The following EPM2A variants were observed in gnomAD, a reference collection of about 807,000 sequenced individuals.
The protein encoded by EPM2A is laforin.
EPM2A carries 21 observed loss-of-function variants against 26.5 expected under a neutral mutation model. The observed-to-expected ratio is 0.79, with a 90% CI of 0.56 to 1.14. EPM2A has a LOEUF of 1.14. Among genes scored for constraint, EPM2A ranks in the 50% most tolerant of loss-of-function variants. The probability of loss-of-function intolerance (pLI) is 0.00; values close to 1 mark genes in which losing one functional copy is unlikely to be tolerated. For missense variants in EPM2A, 458 were observed against 440.8 expected (o/e 1.04, Z -0.35); for synonymous variants, 217 against 177.6 (o/e 1.22, Z -1.76).
At chr6:145,559,541 C>T (rs1384181388) in intron 2 of EPM2A, among the ~76,000 whole-genome samples, 2 of 151,910 alleles carry the variant, frequency 1.3e-5, no homozygotes, top group East Asian at 3.9e-4. Flanking sequence ...TCTTTAATAT[C>T]ATTAATGTCA....
At position 145,627,321 on chromosome 6, in the gene EPM2A, T is replaced by C; in HGVS notation, c.*95A>G. 5 of 1,600,870 alleles carry C rather than the reference T, an allele frequency of 3.1e-6. No individual in the cohort carries two copies. Among genetic ancestry groups the C allele is most frequent in the Non-Finnish European group, 4.2e-6 (5 of 1,178,886 alleles). ...GCTTGGGGGAGGTCACACAGTCCTT[T>C]CAGTTCAGGTAGAATCCTTGTTTCT... On this transcript the variant is annotated 3_prime_UTR_variant, in exon 4 of 4. Transcript: ENST00000367519.
At chr6:145,724,717 G>A (rs940174651) in intron 1 of EPM2A, among the ~76,000 whole-genome samples, 2 of 151,876 alleles carry the variant, frequency 1.3e-5, no homozygotes, top group African/African-American at 4.8e-5. Context: ...AAAGTCAGGT[G>A]GTTTCTAATA....
At chr6:145,608,671 G>A (rs747288053) in intron 2 of EPM2A, among the ~76,000 whole-genome samples, 4 of 152,138 alleles carry the variant, frequency 2.6e-5, no homozygotes, top group Non-Finnish European at 5.9e-5. Flanking sequence ...CTGTTTGGGG[G>A]TCCTGGATTA....
chr6:145,677,775 A>G (rs1780175633), intron 2 of EPM2A, among the ~76,000 whole-genome samples: 1 of 152,182 alleles, frequency 6.6e-6, no homozygotes, highest in Admixed American at 6.5e-5. Context: ...AACAAAATAA[A>G]AGGGGACACA....
At chr6:145,562,094 CA>C (rs11402553) in intron 2 of EPM2A, among the ~76,000 whole-genome samples, 8 of 124,062 alleles carry the variant, frequency 6.4e-5, no homozygotes, top group African/African-American at 1.5e-4. Context: ...GAAAAAAATG[CA>C]AAAAAAACTA....
rs77546689 is a variant in EPM2A at position 145,548,860 on chromosome 6, A to C, written c.341-46285T>G. 1.2e-3 allele frequency among the ~76,000 whole-genome samples: 185 copies of C among 152,204 alleles called. 1 individual carries two copies. The highest frequency in any genetic ancestry group is 4.3e-3 in the African/African-American group (178 of 41,552). ...CTTTGGTGGTCTCAGTTCCCACTCC[A>C]AAGAGAATTATCAGAGTATACATCA... On this transcript the variant is annotated intron_variant, in intron 2 of 3. Coordinates refer to the EPM2A transcript ENST00000450221.
chr6:145,619,845 G>A (rs150278785), intron 2 of EPM2A, among the ~76,000 whole-genome samples: 310 of 152,304 alleles, frequency 2.0e-3, no homozygotes, highest in African/African-American at 6.1e-3. Flanking sequence ...AAAGTTCTCC[G>A]TTGTAAGGAG....
chr6:145,633,387 A>C (rs1165600105), intron 3 of EPM2A, among the ~76,000 whole-genome samples: 4 of 152,230 alleles, frequency 2.6e-5, no homozygotes, highest in African/African-American at 9.6e-5. Flanking sequence ...GGATTCAACC[A>C]ATGTGCATCT....
chr6:145,391,198 T>C (rs1222635864), intron 4 of EPM2A, among the ~76,000 whole-genome samples: 1 of 152,178 alleles, frequency 6.6e-6, no homozygotes, highest in Non-Finnish European at 1.5e-5. Context: ...ACCATTAAGC[T>C]TTCTTTCCTA....
intron 2 of EPM2A, among the ~76,000 whole-genome samples, chr6:145,558,406 T>C (rs1780759638): frequency 6.6e-6 from 1 of 152,142 alleles, no homozygotes; most frequent in South Asian, 2.1e-4. Flanking sequence ...GGAATGCAGA[T>C]ATCTGTTTGA....
chr6:145,480,102 G>T (rs1254473214), intron 4 of EPM2A, among the ~76,000 whole-genome samples: 2 of 151,670 alleles, frequency 1.3e-5, no homozygotes, highest in Non-Finnish European at 2.9e-5. Context: ...TTTTTAATTG[G>T]GTTGTCTGTC....
intron 1 of EPM2A, among the ~76,000 whole-genome samples, chr6:145,690,504 G>A (rs1476716371): frequency 2.6e-4 from 35 of 133,862 alleles, no homozygotes; most frequent in Admixed American, 2.4e-4. Context: ...GCGACAGAGC[G>A]AGACTCCGTC....
chr6:145,576,375 T>C (rs959476667), intron 2 of EPM2A, among the ~76,000 whole-genome samples: 10 of 152,010 alleles, frequency 6.6e-5, no homozygotes, highest in Admixed American at 2.0e-4. Flanking sequence ...AATGAGGCCT[T>C]AGGGGCAAGA....
intron 4 of EPM2A, among the ~76,000 whole-genome samples, chr6:145,478,804 A>G (rs1459433881): frequency 6.6e-6 from 1 of 151,532 alleles, no homozygotes; most frequent in Non-Finnish European, 1.5e-5. Context: ...TGTTTTCTTA[A>G]TTTTATTTTT....
intron 2 of EPM2A, among the ~76,000 whole-genome samples, chr6:145,557,626 T>G (rs765423105): frequency 1.3e-5 from 2 of 152,098 alleles, no homozygotes; most frequent in African/African-American, 4.8e-5. Flanking sequence ...ACATAGAAAT[T>G]GTGTATATTT....
intron 4 of EPM2A, among the ~76,000 whole-genome samples, chr6:145,479,785 G>T (rs1779590633): frequency 6.6e-6 from 1 of 151,976 alleles, no homozygotes; most frequent in Non-Finnish European, 1.5e-5. Context: ...CAGTTGAGTT[G>T]ATGAGTCATA....
At chr6:145,451,352 T>TA (rs928467230) in intron 4 of EPM2A, among the ~76,000 whole-genome samples, 1 of 150,856 alleles carries the variant, frequency 6.6e-6, no homozygotes, top group Non-Finnish European at 1.5e-5. Flanking sequence ...AATGCATTGG[T>TA]AAAAAAATCC....
At chr6:145,426,879 C>T (rs574246922) in intron 4 of EPM2A, among the ~76,000 whole-genome samples, 38 of 152,176 alleles carry the variant, frequency 2.5e-4, no homozygotes, top group Non-Finnish European at 5.0e-4. Context: ...CAAAAAATTC[C>T]TGAATCATCT....
At chr6:145,614,098 T>G (rs1775455076) in intron 2 of EPM2A, among the ~76,000 whole-genome samples, 2 of 152,256 alleles carry the variant, frequency 1.3e-5, no homozygotes, top group African/African-American at 4.8e-5. Flanking sequence ...AGCTAGGTCT[T>G]CCGGATAACT....
Sources: allele counts gnomAD v4.1 joint callset (sites outside exome capture counted in the v4.1 genomes callset), GRCh38; gene constraint gnomAD v4.1.1; transcripts MANE v1.5; gene names NCBI Gene and HGNC (gene_info 2026-07-23, HGNC 2026-07-21).